CNTNAP2: variants seen among roughly 807,000 people sequenced by gnomAD.
The protein encoded by CNTNAP2 is contactin associated protein 2.
In CNTNAP2, 98 loss-of-function variants were observed where a neutral mutation model predicts 155.2. The observed-to-expected ratio is 0.63, with a 90% CI of 0.54 to 0.75. The LOEUF is 0.75. Among genes scored for constraint, CNTNAP2 ranks in the 30% least tolerant of loss-of-function variants. The pLI is 0.00. For missense variants in CNTNAP2, 1,727 were observed against 1,688.1 expected (o/e 1.02, Z -0.40); for synonymous variants, 651 against 631.2 (o/e 1.03, Z -0.47).
chr7:147,001,530 G>T (rs1282418694), intron 3 of CNTNAP2, among the ~76,000 whole-genome samples: 2 of 151,952 alleles, frequency 1.3e-5, no homozygotes, highest in Non-Finnish European at 2.9e-5. Context: ...TATAAAGAAG[G>T]CTTGGTGCTG....
intron 22 of CNTNAP2, among the ~76,000 whole-genome samples, chr7:148,396,560 AATCAGCACCTC>A (rs572346148): frequency 5.1e-4 from 77 of 152,360 alleles, no homozygotes; most frequent in African/African-American, 1.8e-3. Flanking sequence ...TCTGCTGGCC[AATCAGCACCTC>A]ATGTCCTTGC....
chr7:147,827,322 G>A (rs557071418), intron 13 of CNTNAP2, among the ~76,000 whole-genome samples: 11 of 152,212 alleles, frequency 7.2e-5, no homozygotes, highest in Middle Eastern at 3.4e-3. Flanking sequence ...GCACTCTGTG[G>A]CTTCATGGCC....
intron 3 of CNTNAP2, among the ~76,000 whole-genome samples, chr7:146,874,943 T>C (rs1795390254): frequency 6.6e-6 from 1 of 152,220 alleles, no homozygotes; most frequent in Non-Finnish European, 1.5e-5. Context: ...TTTCTCTTGA[T>C]CAGAATAGGT....
intron 21 of CNTNAP2, among the ~76,000 whole-genome samples, chr7:148,356,234 G>T (rs1163249035): frequency 6.6e-6 from 1 of 151,014 alleles, no homozygotes; most frequent in Non-Finnish European, 1.5e-5. Flanking sequence ...ATAAAAAAAA[G>T]ACACAGCATT....
chr7:147,333,249 A>C (rs574108771), intron 9 of CNTNAP2, among the ~76,000 whole-genome samples: 1 of 152,182 alleles, frequency 6.6e-6, no homozygotes, highest in South Asian at 2.1e-4. Context: ...TACAGAGAGA[A>C]TACTGATAAA....
At chr7:146,867,206 G>C (rs1421345302) in intron 3 of CNTNAP2, among the ~76,000 whole-genome samples, 4 of 152,004 alleles carry the variant, frequency 2.6e-5, no homozygotes, top group Non-Finnish European at 5.9e-5. Context: ...AGTGTCTGTT[G>C]TTTCCTTCCT....
chr7:147,105,281 A>G (rs1800742401), intron 4 of CNTNAP2, among the ~76,000 whole-genome samples: 2 of 151,956 alleles, frequency 1.3e-5, no homozygotes, highest in South Asian at 2.1e-4. Context: ...TGAATTGGGC[A>G]TATTACCAGC....
intron 15 of CNTNAP2, among the ~76,000 whole-genome samples, chr7:148,059,897 A>G (rs1803100708): frequency 6.6e-6 from 1 of 152,074 alleles, no homozygotes; most frequent in Admixed American, 6.6e-5. Flanking sequence ...AAATTGGTCA[A>G]GGTTTTTAAG....
intron 1 of CNTNAP2, among the ~76,000 whole-genome samples, chr7:146,637,219 G>A (rs1799613893): frequency 6.6e-6 from 1 of 152,066 alleles, no homozygotes. Context: ...TACATTTATT[G>A]GGACACCTTG....
intron 3 of CNTNAP2, among the ~76,000 whole-genome samples, chr7:146,885,555 C>T (rs1318846881): frequency 6.6e-6 from 1 of 151,986 alleles, no homozygotes; most frequent in Non-Finnish European, 1.5e-5. Flanking sequence ...AAAGCAAGAG[C>T]AATACATGAT....
intron 22 of CNTNAP2, among the ~76,000 whole-genome samples, chr7:148,397,790 ATCAGGAAGC>A (rs1455652934): frequency 1.3e-5 from 2 of 152,264 alleles, no homozygotes; most frequent in Non-Finnish European, 2.9e-5. Flanking sequence ...GTGGGGAACC[ATCAGGAAGC>A]TTTAATAACC....
intron 12 of CNTNAP2, among the ~76,000 whole-genome samples, chr7:147,612,857 T>G (rs76082685): frequency 6.6e-6 from 1 of 152,222 alleles, no homozygotes; most frequent in South Asian, 2.1e-4. Context: ...AATTCACTCA[T>G]GTTTCATAAA....
At chr7:147,963,057 T>G (rs1347172948) in intron 14 of CNTNAP2, among the ~76,000 whole-genome samples, 2 of 152,158 alleles carry the variant, frequency 1.3e-5, no homozygotes, top group African/African-American at 4.8e-5. Flanking sequence ...AATACAGTTA[T>G]TATTATACCA....
chr7:148,380,894 C>G (rs1799042210), intron 21 of CNTNAP2, among the ~76,000 whole-genome samples: 1 of 152,210 alleles, frequency 6.6e-6, no homozygotes, highest in South Asian at 2.1e-4. Flanking sequence ...CCTCAATTAC[C>G]CAGCCCACAG....
In CNTNAP2 at chr7:148,400,504, T is replaced by G. The variant is rs150040474; in HGVS notation, c.3716-8887T>G. ...CACTGTTAACCAAGTGCTCCAGTCC[T>G]GCCCCAGTGTTTACAGGAAATTGGT... On this transcript the variant is annotated intron_variant, in intron 22 of 23. Coordinates refer to ENST00000361727, the MANE Select transcript of CNTNAP2 (RefSeq NM_014141.6). Among the ~76,000 whole-genome samples, 25 of 152,316 alleles carry G rather than the reference T, an allele frequency of 1.6e-4. No homozygotes were observed. In the East Asian group the frequency reaches 4.8e-3, roughly 29 times the overall value.
Position 147,132,259 on chromosome 7 carries a change from T to G in CNTNAP2, c.1098T>G (p.Phe366Leu). The part of the protein sequence containing the change: ...LEPSNVGNLS[F>L]SCVEPYTVPV... ...CTATTTTACAGGGAAATTTGAGCTT[T>G]TCTTGTGTGGAACCCTATACGGTGC... The change falls in exon 8 of 24, where the codon TTT (phenylalanine) becomes TTG (leucine). Residue 366 changes from phenylalanine (F) to leucine (L), a missense_variant. By Grantham distance (22) the Phe-to-Leu change is conservative (BLOSUM62 0). Transcript: ENST00000361727. The G allele has an allele frequency of 6.2e-7, 1 of 1,613,686 alleles. No individual in the cohort carries two copies. Among genetic ancestry groups the G allele is most frequent in the Admixed American group, 1.7e-5 (1 of 59,970 alleles).
At chr7:147,672,305 T>C (rs924774750) in intron 13 of CNTNAP2, 7 of 152,334 alleles carry the variant, frequency 4.6e-5, no homozygotes, top group African/African-American at 1.7e-4. Context: ...CTTTCTAAAT[T>C]TGAATTGTTT....
intron 9 of CNTNAP2, among the ~76,000 whole-genome samples, chr7:147,357,017 ACT>A (rs202229439): frequency 0.014 from 2,115 of 151,960 alleles, 25 homozygotes; most frequent in Non-Finnish European, 0.021. Context: ...TTTCATTCAA[ACT>A]CTGACCTCCA....
intron 1 of CNTNAP2, among the ~76,000 whole-genome samples, chr7:146,472,213 G>A (rs981223533): frequency 4.6e-5 from 7 of 152,172 alleles, no homozygotes; most frequent in Non-Finnish European, 8.8e-5. Flanking sequence ...TAGACCTAAT[G>A]TAGGGAATAT....
Sources: allele counts gnomAD v4.1 joint callset (sites outside exome capture counted in the v4.1 genomes callset), GRCh38; gene constraint gnomAD v4.1.1; transcripts MANE v1.5; gene names NCBI Gene and HGNC (gene_info 2026-07-23, HGNC 2026-07-21).